The following CACNA1H variants were observed in gnomAD, a reference collection of about 807,000 sequenced individuals.
CACNA1H encodes voltage-dependent T-type calcium channel subunit alpha-1H.
Under a neutral mutation model 192.5 loss-of-function variants are expected in CACNA1H, and 149 were observed. The ratio of observed to expected loss-of-function variants is 0.77; its 90% confidence interval spans 0.68 to 0.89. CACNA1H has a LOEUF of 0.89. CACNA1H is among the 40% of genes least tolerant of loss of function. The pLI, the probability that CACNA1H is intolerant of heterozygous loss-of-function variation, is 0.00. For synonymous variants in CACNA1H, 2,202 were observed against 1,475.2 expected (o/e 1.49, Z -11.29); for missense variants, 4,257 against 3,423.5 (o/e 1.24, Z -6.08).
At chr16:1,219,247 G>C in intron 34 of CACNA1H, 117 bp downstream of exon 34, 1 of 1,028,450 alleles carries the variant, frequency 9.7e-7, no homozygotes, top group Non-Finnish European at 1.4e-6. Context: ...GGTCGCACTG[G>C]GTCCTTGGGG....
intron 2 of CACNA1H, among the ~76,000 whole-genome samples, chr16:1,168,145 C>T (rs1298110469): frequency 6.6e-6 from 1 of 152,120 alleles, no homozygotes; most frequent in African/African-American, 2.4e-5. Flanking sequence ...GAGACCAGGG[C>T]GGCCTCTGGT....
At position 1,215,586 on chromosome 16, in the gene CACNA1H, T is replaced by C. The variant is rs1360052836; in HGVS notation, c.5237T>C (p.Leu1746Pro). ...CTGCTGGACACTGTGGTGCAAGCTC[T>C]CCCCCAGGTAGGTGGAGCCCGCGCC... ...RALLDTVVQA[L>P]PQVGNLGLLF... The change falls in exon 30 of 35, where the codon CTC becomes CCC. Residue 1746 changes from leucine (L) to proline (P), a missense_variant. Transcript: ENST00000348261. The C allele has an allele frequency of 6.2e-7, 1 of 1,611,004 alleles. No individual in the cohort carries two copies. Among genetic ancestry groups the C allele is most frequent in the South Asian group, 1.1e-5 (1 of 90,736 alleles).
In CACNA1H at chr16:1,211,703, C is replaced by T. The variant is rs775518092; in HGVS notation, c.4477-13C>T. 1.1e-5 allele frequency: 17 copies of T among 1,612,312 alleles called. No individual in the cohort carries two copies. Among genetic ancestry groups the T allele is most frequent in the East Asian group, 2.2e-5 (1 of 44,886 alleles). On this transcript the variant is annotated splice_polypyrimidine_tract_variant and intron_variant, in intron 23 of 34. Coordinates refer to ENST00000348261, the MANE Select transcript of CACNA1H (RefSeq NM_021098.3). ...CTCTAACCCTCGCCAGTGACCCTGG[C>T]TCTGGCCCTCAGGCCCTGATGTCGC...
intron 2 of CACNA1H, among the ~76,000 whole-genome samples, chr16:1,182,257 T>TA (rs1965553191): frequency 6.6e-6 from 1 of 152,090 alleles, no homozygotes; most frequent in African/African-American, 2.4e-5. Context: ...CTGGCGGACA[T>TA]AGAGGCGGAG....
intron 34 of CACNA1H, 147 bp downstream of exon 34, chr16:1,219,277 C>T (rs1358954371): frequency 1.3e-6 from 1 of 770,076 alleles, no homozygotes; most frequent in Non-Finnish European, 2.0e-6. Context: ...TTTCTGCCTG[C>T]TGCTTGGTGG....
chr16:1,189,221 C>T (rs1050576614), intron 2 of CACNA1H, among the ~76,000 whole-genome samples: 6 of 151,914 alleles, frequency 3.9e-5, no homozygotes, highest in Non-Finnish European at 7.4e-5. Context: ...GCGTCCTGGG[C>T]GGGACTGGTT....
chr16:1,159,104 G>A (rs970201592), intron 2 of CACNA1H, among the ~76,000 whole-genome samples: 2 of 152,242 alleles, frequency 1.3e-5, no homozygotes, highest in Non-Finnish European at 2.9e-5. Context: ...CTGATGGGGG[G>A]ACTTGGGGAG....
At chr16:1,156,739 C>T (rs1962457144) in intron 2 of CACNA1H, among the ~76,000 whole-genome samples, 1 of 152,076 alleles carries the variant, frequency 6.6e-6, no homozygotes, top group African/African-American at 2.4e-5. Flanking sequence ...GGCAGAGCCC[C>T]AGCTGCTGTC....
Position 1,220,250 on chromosome 16 carries a change from C to T in CACNA1H, c.6318C>T (p.Ser2106=), listed in dbSNP as rs766725637. The T allele has an allele frequency of 7.6e-6, 12 of 1,585,310 alleles. No individual in the cohort carries two copies. Among genetic ancestry groups the T allele is most frequent in the Middle Eastern group, 1.7e-4 (1 of 5,986 alleles). The change falls in exon 35 of 35, where the codon AGC becomes AGT. Residue 2106 remains serine (S), a synonymous_variant. Coordinates refer to ENST00000348261, the MANE Select transcript of CACNA1H (RefSeq NM_021098.3). ...PADEEVSHIT[S]SACPWQPTAE... The stretch of plus-strand genomic sequence containing the variant: ...ACGAGGAGGTCAGCCACATCACCAG[C>T]TCCGCCTGCCCCTGGCAGCCCACAG...
At position 1,212,125 on chromosome 16, in the gene CACNA1H, G is replaced by A. The variant is rs1418681619; in HGVS notation, c.4746G>A (p.Glu1582=). 6.8e-6 allele frequency: 11 copies of A among 1,606,730 alleles called. No individual in the cohort carries two copies. Among genetic ancestry groups the A allele is most frequent in the Non-Finnish European group, 7.6e-6 (9 of 1,179,348 alleles). The stretch of plus-strand genomic sequence containing the variant: ...AGGAGAAGCGGCTGCGGCGCCTAGA[G>A]AGGAGGCGCAGGAGTAAGGCGCTCC... ...RREEKRLRRL[E]RRRRSTFPSP... The change falls in exon 25 of 35, where the codon GAG becomes GAA. Residue 1582 remains glutamate (E), a synonymous_variant. Transcript: ENST00000348261.
At chr16:1,210,763 C>T in intron 20 of CACNA1H, 24 bp from the exon 21 acceptor site, 2 of 1,598,168 alleles carry the variant, frequency 1.3e-6, no homozygotes, top group Non-Finnish European at 1.7e-6. Flanking sequence ...TGAGCCTGAG[C>T]TCAGTGCCAT....
chr16:1,205,360 G>T, intron 11 of CACNA1H, 95 bp downstream of exon 11: 1 of 1,294,414 alleles, frequency 7.7e-7, no homozygotes, highest in Non-Finnish European at 1.1e-6. Context: ...AGCACAGGAG[G>T]AAGTACGACG....
At chr16:1,192,118 C>T (rs1966677343) in intron 2 of CACNA1H, among the ~76,000 whole-genome samples, 1 of 152,240 alleles carries the variant, frequency 6.6e-6, no homozygotes, top group Non-Finnish European at 1.5e-5. Context: ...AGCCACACCC[C>T]TGCTTGGAAA....
rs58304047 is a variant in CACNA1H at position 1,218,443 on chromosome 16, G to T, written c.5679G>T (p.Arg1893=). The part of the protein sequence containing the change: ...EMAQGPGSAR[R]VDADRPPLPQ... ...CGCAGGGCCCCGGGAGTGCACGCCG[G>T]GTGGACGCGGACAGGCCTCCCTTGC... Residue 1893 remains arginine, a synonymous_variant, in exon 33 of 35, where the codon CGG becomes CGT. Coordinates refer to ENST00000348261, the MANE Select transcript of CACNA1H (RefSeq NM_021098.3). 6.4e-5 allele frequency: 100 copies of T among 1,552,168 alleles called. No homozygotes were observed. The African/African-American group carries it at 1.2e-3, about 19-fold the overall frequency.
chr16:1,200,641 C>A, intron 7 of CACNA1H, 70 bp downstream of exon 7: 53 of 1,590,072 alleles, frequency 3.3e-5, no homozygotes, highest in Non-Finnish European at 4.3e-5. Context: ...CTCGCCCCCC[C>A]CAGCCCAGAC....
chr16:1,166,231 C>G (rs1338830604), intron 2 of CACNA1H, among the ~76,000 whole-genome samples: 1 of 152,226 alleles, frequency 6.6e-6, no homozygotes, highest in East Asian at 1.9e-4. Context: ...CGAGCAAATC[C>G]TTTGCGTCCG....
At chr16:1,169,419 G>A (rs1332606664) in intron 2 of CACNA1H, among the ~76,000 whole-genome samples, 1 of 152,214 alleles carries the variant, frequency 6.6e-6, no homozygotes, top group Non-Finnish European at 1.5e-5. Flanking sequence ...CGAGAGGGTG[G>A]CAGGGGCATT....
intron 2 of CACNA1H, among the ~76,000 whole-genome samples, chr16:1,194,455 A>G (rs1966843014): frequency 6.6e-6 from 1 of 151,956 alleles, no homozygotes. Flanking sequence ...GTCTGCCCCG[A>G]GTTGTGCCAC....
At chr16:1,160,678 C>T (rs376421881) in intron 2 of CACNA1H, among the ~76,000 whole-genome samples, 4 of 152,176 alleles carry the variant, frequency 2.6e-5, no homozygotes, top group East Asian at 1.9e-4. Flanking sequence ...AGAAGCGGGC[C>T]GTTGGCGGGG....
Sources: allele counts gnomAD v4.1 joint callset (sites outside exome capture counted in the v4.1 genomes callset), GRCh38; gene constraint gnomAD v4.1.1; transcripts MANE v1.5; gene names NCBI Gene and HGNC (gene_info 2026-07-23, HGNC 2026-07-21).